The following GALNT13 variants were observed in gnomAD, a reference collection of about 807,000 sequenced individuals.
The protein encoded by GALNT13 is polypeptide N-acetylgalactosaminyltransferase 13, also known as UDP-GalNAc:polypeptide N-acetylgalactosaminyltransferase 13.
GALNT13 carries 28 observed loss-of-function variants against 64.2 expected under a neutral mutation model. The ratio of observed to expected loss-of-function variants is 0.44; its 90% CI spans 0.32 to 0.60. The LOEUF (loss-of-function observed/expected upper bound fraction) is 0.60, where lower values mean the gene tolerates loss of function less well. Ranked by LOEUF, GALNT13 falls within the 20% of genes least tolerant of loss-of-function variation. GALNT13 has a pLI of 0.05. For synonymous variants in GALNT13, 214 were observed against 224.6 expected (o/e 0.95, Z 0.42); for missense variants, 577 against 669.8 (o/e 0.86, Z 1.53).
chr2:153,676,580 A>G, the GALNT13 span, among the ~76,000 whole-genome samples: 1 of 152,130 alleles, frequency 6.6e-6, no homozygotes, highest in East Asian at 1.9e-4. Context: ...TCAGGCCAAT[A>G]TTGCTGATAA....
chr2:153,729,488 G>A, the GALNT13 span, among the ~76,000 whole-genome samples: 2 of 151,950 alleles, frequency 1.3e-5, no homozygotes, highest in South Asian at 4.1e-4. Flanking sequence ...CAAAGTTACT[G>A]TGCTGTGTTT....
intron 11 of GALNT13, among the ~76,000 whole-genome samples, chr2:154,426,664 T>C (rs1700485460): frequency 6.6e-6 from 1 of 152,212 alleles, no homozygotes; most frequent in Non-Finnish European, 1.5e-5. Flanking sequence ...ATTTCCCAAA[T>C]TGTAGACTTC....
intron 9 of GALNT13, among the ~76,000 whole-genome samples, chr2:154,388,238 G>A (rs1053425922): frequency 1.3e-5 from 2 of 152,084 alleles, no homozygotes; most frequent in Non-Finnish European, 2.9e-5. Flanking sequence ...GTTTGTTCAC[G>A]ACCTTTGCCC....
chr2:153,822,813 A>G, the GALNT13 span, among the ~76,000 whole-genome samples: 1 of 152,208 alleles, frequency 6.6e-6, no homozygotes, highest in African/African-American at 2.4e-5. Context: ...GCACCCAAAT[A>G]GGGAAACAAG....
the GALNT13 span, among the ~76,000 whole-genome samples, chr2:153,268,228 G>T: frequency 6.6e-6 from 1 of 152,162 alleles, no homozygotes; most frequent in Non-Finnish European, 1.5e-5. Flanking sequence ...GTGGGGGGTG[G>T]CACAGGCATT....
At chr2:153,239,459 T>A in the GALNT13 span, among the ~76,000 whole-genome samples, 1 of 152,158 alleles carries the variant, frequency 6.6e-6, no homozygotes, top group African/African-American at 2.4e-5. Flanking sequence ...TCAGTGATAC[T>A]ATGTGTCTGT....
chr2:153,516,588 A>G, the GALNT13 span, among the ~76,000 whole-genome samples: 2 of 152,104 alleles, frequency 1.3e-5, no homozygotes, highest in Admixed American at 1.3e-4. Context: ...ATGAAATATG[A>G]GAAAAAGGGC....
intron 3 of GALNT13, among the ~76,000 whole-genome samples, chr2:154,072,027 T>C (rs1700763809): frequency 6.6e-6 from 1 of 152,058 alleles, no homozygotes; most frequent in Non-Finnish European, 1.5e-5. Flanking sequence ...AATACGAATA[T>C]CCAGAAAAAG....
the GALNT13 span, chr2:153,593,263 G>C: frequency 6.6e-6 from 1 of 152,298 alleles, no homozygotes; most frequent in Non-Finnish European, 1.5e-5. Context: ...CAGCCCTTCG[G>C]TTTGCGGTTT....
the GALNT13 span, among the ~76,000 whole-genome samples, chr2:153,839,096 T>C: frequency 6.6e-6 from 1 of 151,952 alleles, no homozygotes; most frequent in Non-Finnish European, 1.5e-5. Flanking sequence ...TAAATGCAAC[T>C]GTTTTGTAGG....
the GALNT13 span, among the ~76,000 whole-genome samples, chr2:153,762,838 C>T: frequency 6.6e-6 from 1 of 150,876 alleles, no homozygotes; most frequent in African/African-American, 2.4e-5. Context: ...TCCTCTATTG[C>T]CATCATCATT....
At chr2:154,404,833 AT>A (rs776977258) in intron 10 of GALNT13, among the ~76,000 whole-genome samples, 2,751 of 148,992 alleles carry the variant, frequency 0.018, 38 homozygotes, top group South Asian at 0.048. Flanking sequence ...TAGAAGGGTA[AT>A]TTTTTTTTTT....
At chr2:153,371,388 A>G in the GALNT13 span, among the ~76,000 whole-genome samples, 1 of 152,164 alleles carries the variant, frequency 6.6e-6, no homozygotes, top group Non-Finnish European at 1.5e-5. Flanking sequence ...AATTCAAACT[A>G]TTTGCATATG....
chr2:153,949,782 C>A, intron 3 of GALNT13, among the ~76,000 whole-genome samples: 1 of 151,778 alleles, frequency 6.6e-6, no homozygotes, highest in Non-Finnish European at 1.5e-5. Context: ...GAGAATTAGC[C>A]CTCTGATGGC....
At chr2:153,411,161 GTATA>G in the GALNT13 span, among the ~76,000 whole-genome samples, 6 of 139,666 alleles carry the variant, frequency 4.3e-5, no homozygotes, top group Non-Finnish European at 3.1e-5. Flanking sequence ...TGGCATATAT[GTATA>G]TATATATATA....
chr2:154,052,822 C>T (rs989308768), intron 3 of GALNT13, among the ~76,000 whole-genome samples: 1 of 151,430 alleles, frequency 6.6e-6, no homozygotes, highest in Admixed American at 6.6e-5. Flanking sequence ...CTGCAAGCTC[C>T]GCCTCCCGGG....
chr2:153,419,402 C>G, the GALNT13 span, among the ~76,000 whole-genome samples: 1 of 152,146 alleles, frequency 6.6e-6, no homozygotes, highest in Non-Finnish European at 1.5e-5. Context: ...ATCAGATGTT[C>G]TCAAAGGATT....
In GALNT13 at chr2:153,874,097, ATC is replaced by A. The variant is rs1166073542; in HGVS notation, c.-177+1798_-177+1799del. 6.4e-5 allele frequency among the ~76,000 whole-genome samples: 8 copies of A among 125,418 alleles called. No homozygotes were observed. The South Asian group carries it at 1.3e-3, about 20-fold the overall frequency. 82.3% of individuals were successfully genotyped at this position (125,418 alleles called of 152,430 possible). A position where few individuals can be genotyped will look rare whatever the true frequency, so the allele number is the denominator to read the frequency against. ...TTTCCCCCCGCACCCCCCTCCCGCA[ATC>A]TCTGTTTTTTTTTTTTTTTTCTTTC... On this transcript the variant is annotated intron_variant, in intron 1 of 12. Transcript: ENST00000392825.
intron 1 of GALNT13, among the ~76,000 whole-genome samples, chr2:153,878,372 G>A (rs546021436): frequency 6.6e-6 from 1 of 152,210 alleles, no homozygotes; most frequent in South Asian, 2.1e-4. Flanking sequence ...GAACCACTGT[G>A]ATATGCTGCC....
Sources: gnomAD v4.1 joint callset for allele counts (sites outside exome capture counted in the v4.1 genomes callset) on GRCh38, gnomAD v4.1.1 for gene constraint, MANE v1.5 for transcripts, NCBI Gene and HGNC (gene_info 2026-07-23, HGNC 2026-07-21) for gene names.